SBF1: variants seen among roughly 807,000 people sequenced by gnomAD.
The protein encoded by SBF1 is myotubularin-related protein 5.
SBF1 carries 65 observed loss-of-function variants against 215.8 expected under a neutral mutation model. The ratio of observed to expected loss-of-function variants is 0.30; its 90% CI spans 0.25 to 0.37. The LOEUF is 0.37. SBF1 is among the 10% of genes least tolerant of loss of function. The pLI, the probability that SBF1 is intolerant of heterozygous loss-of-function variation, is 1.00. For synonymous variants in SBF1, 1,410 were observed against 1,122.8 expected (o/e 1.26, Z -5.11); for missense variants, 2,634 against 2,667.8 (o/e 0.99, Z 0.28).
In SBF1 at chr22:50,448,258, A is replaced by G; in HGVS notation, c.5338T>C (p.Phe1780Leu). Reference protein sequence around the residue: ...RRSTSTLYSQFQTAESENRSY... With the variant: ...RRSTSTLYSQLQTAESENRSY... ...CTGTTCTCACTCTCTGCTGTCTGGA[A>G]CTGGCTGTACAGGGTGCTGGTGCTG... Residue 1780 changes from phenylalanine to leucine, a missense_variant, in exon 38 of 41, where the codon TTC becomes CTC. By Grantham distance (22) the Phe-to-Leu change is conservative (BLOSUM62 0). Coordinates refer to ENST00000380817, the MANE Select transcript of SBF1 (RefSeq NM_002972.4). 1 of 1,612,724 alleles carries G rather than the reference A, an allele frequency of 6.2e-7. No homozygotes were observed. Among genetic ancestry groups the G allele is most frequent in the Non-Finnish European group, 8.5e-7 (1 of 1,179,934 alleles).
intron 28 of SBF1, 30 bp from the exon 29 acceptor site, chr22:50,457,141 C>T: frequency 6.9e-7 from 1 of 1,446,594 alleles, no homozygotes; most frequent in Non-Finnish European, 9.1e-7. Flanking sequence ...AAGGCTCAGG[C>T]CTAGCCCCAG....
chr22:50,474,757 G>A (rs745671162), intron 1 of SBF1, 29 bp downstream of exon 1: 54 of 1,455,512 alleles, frequency 3.7e-5, no homozygotes, highest in Admixed American at 2.8e-4. Context: ...CTCGGCCCCC[G>A]GCCCTCAGCG....
Position 50,468,471 on chromosome 22 carries a change from A to T in SBF1, c.56-10T>A. 1.3e-6 allele frequency: 2 copies of T among 1,587,490 alleles called. No individual in the cohort carries two copies. Among genetic ancestry groups the T allele is most frequent in the Non-Finnish European group, 8.6e-7 (1 of 1,164,776 alleles). On this transcript the variant is annotated splice_polypyrimidine_tract_variant and intron_variant, in intron 1 of 40. Coordinates refer to ENST00000380817, the MANE Select transcript of SBF1 (RefSeq NM_002972.4). Reference sequence around the variant, plus strand: ...TGGCCTTCCCCACTCCCTGAGGACAAGAACAGGGGGTCAGAGCACCCAACC... The same window carrying T: ...TGGCCTTCCCCACTCCCTGAGGACATGAACAGGGGGTCAGAGCACCCAACC...
In SBF1 at chr22:50,448,457, G is replaced by T. The variant is rs1285966014; in HGVS notation, c.5152-13C>A. ...AGCTAGGGGTGCCCTGGGAACAGGA[G>T]GTTGGGACTTGGGTCAGGGCTGGAC... On this transcript the variant is annotated splice_polypyrimidine_tract_variant and intron_variant, in intron 37 of 40. Coordinates refer to ENST00000380817, the MANE Select transcript of SBF1 (RefSeq NM_002972.4). The T allele has an allele frequency of 6.2e-7, 1 of 1,613,110 alleles. No homozygotes were observed. The highest frequency in any genetic ancestry group is 1.7e-5 in the Admixed American group (1 of 60,016).
At position 50,467,426 on chromosome 22, in the gene SBF1, G is replaced by A; in HGVS notation, c.461C>T (p.Ala154Val). 2 of 1,614,186 alleles carry A rather than the reference G, an allele frequency of 1.2e-6. No homozygotes were observed. Among genetic ancestry groups the A allele is most frequent in the Non-Finnish European group, 8.5e-7 (1 of 1,180,020 alleles). Residue 154 changes from alanine to valine, a missense_variant, in exon 5 of 41, where the codon GCC becomes GTC. By Grantham distance (64) the Ala-to-Val change is moderately conservative. Coordinates refer to ENST00000380817, the MANE Select transcript of SBF1 (RefSeq NM_002972.4). ...CACATTCAGGCCCTCCACGTGGATG[G>A]CATAGATGAGGCCAAGGCTGTTCTG... Reference protein sequence around the residue: ...VFRNSLGLIYAIHVEGLNVCL... With the variant: ...VFRNSLGLIYVIHVEGLNVCL...
chr22:50,462,148 G>A (rs1419417459), intron 19 of SBF1, 29 bp from the exon 20 acceptor site: 3 of 1,609,876 alleles, frequency 1.9e-6, no homozygotes, highest in Admixed American at 1.7e-5. Context: ...TGTGGGCATG[G>A]GCCCTGCCCA....
In SBF1 at chr22:50,467,661, C is replaced by G; in HGVS notation, c.309G>C (p.Glu103Asp). ...CTCCCTCATCCCCCTCTTCCTCCCT[C>G]TCTGTGGCATCCTCCACGCGCGTCG... ...QETTRVEDATEREEEGDEGGQ... is the reference protein window; with the variant it reads ...QETTRVEDATDREEEGDEGGQ... Residue 103 changes from glutamate to aspartate, a missense_variant, in exon 4 of 41, where the codon GAG becomes GAC. Coordinates refer to ENST00000380817, the MANE Select transcript of SBF1 (RefSeq NM_002972.4). The G allele has an allele frequency of 6.2e-7, 1 of 1,613,668 alleles. No homozygotes were observed. Among genetic ancestry groups the G allele is most frequent in the Non-Finnish European group, 8.5e-7 (1 of 1,179,850 alleles).
Position 50,467,702 on chromosome 22 carries a change from CAG to C in SBF1, c.280-14_280-13del, listed in dbSNP as rs777749588. 11 of 1,558,122 alleles carry C rather than the reference CAG, an allele frequency of 7.1e-6. No individual in the cohort carries two copies. Among genetic ancestry groups the C allele is most frequent in the Non-Finnish European group, 9.6e-6 (11 of 1,144,368 alleles). On this transcript the variant is annotated splice_polypyrimidine_tract_variant and intron_variant, in intron 3 of 40. Coordinates refer to ENST00000380817, the MANE Select transcript of SBF1 (RefSeq NM_002972.4). ...ACGCGCGTCGTTTCCTGCTGGGGGTCAGGGGGAGACGGGGGCAGGGGGAGTTG... is the reference window on the plus strand; with the variant it reads ...ACGCGCGTCGTTTCCTGCTGGGGGTCGGGGAGACGGGGGCAGGGGGAGTTG...
rs564648688 is a variant in SBF1 at position 50,458,406 on chromosome 22, G to A, written c.3826+849C>T. 1.6e-3 allele frequency among the ~76,000 whole-genome samples: 247 copies of A among 152,060 alleles called. 1 individual carries two copies. The highest frequency in any genetic ancestry group is 6.8e-3 in the Middle Eastern group (2 of 294). The stretch of plus-strand genomic sequence containing the variant: ...CATTGCTGGGCACTGAGGGGGACAC[G>A]GGGAGGCAGCAGCCACTGGCACTGG... On this transcript the variant is annotated intron_variant, in intron 28 of 40. Coordinates refer to ENST00000380817, the MANE Select transcript of SBF1 (RefSeq NM_002972.4).
rs2067240375 is a variant in SBF1 at position 50,456,216 on chromosome 22, C to G, written c.4266G>C (p.Gln1422His). ...RSLEDSEWLI[Q>H]IHKLLQVSVL... ...CAGAGGGACGGGGCAGTGCAGAGACCTGGATCAGCCACTCTGAGTCCTCCA... is the reference window on the plus strand; with the variant it reads ...CAGAGGGACGGGGCAGTGCAGAGACGTGGATCAGCCACTCTGAGTCCTCCA... Residue 1422 changes from glutamine (Q) to histidine (H), a missense_variant and splice_region_variant, in exon 31 of 41, where the codon CAG (glutamine) becomes CAC (histidine). Transcript: ENST00000380817. 1 of 1,611,234 alleles carries G rather than the reference C, an allele frequency of 6.2e-7. No individual in the cohort carries two copies. Among genetic ancestry groups the G allele is most frequent in the African/African-American group, 1.3e-5 (1 of 74,874 alleles).
Position 50,454,684 on chromosome 22 carries a change from T to A in SBF1, c.4871A>T (p.Glu1624Val). The change falls in exon 36 of 41, where the codon GAG (glutamate) becomes GTG (valine). Residue 1624 changes from glutamate to valine, a missense_variant. Transcript: ENST00000380817. ...NLKVWDFYTE[E>V]TLAEGPPYDW... ...ATAGGGAGGGCCCTCGGCCAGCGTC[T>A]CCTCAGTGTAGAAGTCCCACACCTT... 1.9e-6 allele frequency: 3 copies of A among 1,572,530 alleles called. No homozygotes were observed. Among genetic ancestry groups the A allele is most frequent in the Non-Finnish European group, 2.6e-6 (3 of 1,160,374 alleles).
chr22:50,456,677 T>C lies in SBF1; in HGVS notation c.3905-4A>G. 1 of 1,466,096 alleles carries C rather than the reference T, an allele frequency of 6.8e-7. No homozygotes were observed. The highest frequency in any genetic ancestry group is 9.0e-7 in the Non-Finnish European group (1 of 1,106,862). 90.8% of individuals were successfully genotyped at this position (1,466,096 alleles called of 1,614,324 possible). A position where few individuals can be genotyped will look rare whatever the true frequency, so the allele number is the denominator to read the frequency against. ...GTCCGGACACTGCCCCACTTACCTG[T>C]GAAGGAGATGCCAGGTAAGCACCCA... is the stretch of plus-strand genomic sequence containing the variant. On this transcript the variant is annotated splice_polypyrimidine_tract_variant and splice_region_variant and intron_variant, in intron 29 of 40. Transcript: ENST00000380817.
chr22:50,467,514 C>G lies in SBF1; in HGVS notation c.438+18G>C. The G allele has an allele frequency of 6.2e-7, 1 of 1,613,866 alleles. No homozygotes were observed. The highest frequency in any genetic ancestry group is 8.5e-7 in the Non-Finnish European group (1 of 1,179,846). Reference sequence around the variant, plus strand: ...AAGCACCCTCGTCGTGCCTCGCCGCCCCGGCTGCCGGCCTCACCCTGAACA... The same window carrying G: ...AAGCACCCTCGTCGTGCCTCGCCGCGCCGGCTGCCGGCCTCACCCTGAACA... On this transcript the variant is annotated intron_variant, in intron 4 of 40. Coordinates refer to ENST00000380817, the MANE Select transcript of SBF1 (RefSeq NM_002972.4).
intron 15 of SBF1, among the ~76,000 whole-genome samples, chr22:50,463,645 G>C (rs1193236646): frequency 6.6e-6 from 1 of 152,252 alleles, no homozygotes; most frequent in Non-Finnish European, 1.5e-5. Flanking sequence ...CAAGGACGCA[G>C]ATGCTGCACC....
Position 50,447,627 on chromosome 22 carries a change from C to T in SBF1, c.5364-18G>A. 2 of 1,582,274 alleles carry T rather than the reference C, an allele frequency of 1.3e-6. No individual in the cohort carries two copies. The highest frequency in any genetic ancestry group is 2.2e-5 in the South Asian group (2 of 89,164). ...CGTAGGACCTGCATTTCCAGCAGAA[C>T]CAGGGCCAGGCTGACCGTCATGGCC... is the stretch of plus-strand genomic sequence containing the variant. On this transcript the variant is annotated intron_variant, in intron 38 of 40. Coordinates refer to ENST00000380817, the MANE Select transcript of SBF1 (RefSeq NM_002972.4).
chr22:50,453,763 G>A (rs570727708), intron 36 of SBF1, among the ~76,000 whole-genome samples: 271 of 152,186 alleles, frequency 1.8e-3, no homozygotes, highest in Middle Eastern at 3.4e-3. Context: ...CTCCAGCCTG[G>A]GCGACAGAGC....
In SBF1 at chr22:50,459,685, G is replaced by A. The variant is rs140467558; in HGVS notation, c.3492-19C>T. ...TGGGTAGCTGAGAGGAGGCAGAGGC[G>A]TGAAGGTGGCTGGCGACCCCACCCG... On this transcript the variant is annotated intron_variant, in intron 26 of 40. Transcript: ENST00000380817. 857 of 1,585,598 alleles carry A rather than the reference G, an allele frequency of 5.4e-4. 12 individuals are homozygous for A. The East Asian group carries it at 0.017, about 32-fold the overall frequency.
intron 1 of SBF1, among the ~76,000 whole-genome samples, chr22:50,473,537 A>G (rs1418471320): frequency 6.6e-6 from 1 of 152,238 alleles, no homozygotes; most frequent in African/African-American, 2.4e-5. Flanking sequence ...TTGGATAGAC[A>G]TGAGCAGAGA....
In SBF1 at chr22:50,446,999, C is replaced by T. The variant is rs557895138; in HGVS notation, c.*143G>A. 40 of 771,676 alleles carry T rather than the reference C, an allele frequency of 5.2e-5. No homozygotes were observed. The highest frequency in any genetic ancestry group is 2.5e-4 in the Admixed American group (12 of 47,884). 47.8% of individuals were successfully genotyped at this position (771,676 alleles called of 1,614,324 possible). A position where few individuals can be genotyped will look rare whatever the true frequency, so the allele number is the denominator to read the frequency against. On this transcript the variant is annotated 3_prime_UTR_variant, in exon 41 of 41. Coordinates refer to ENST00000380817, the MANE Select transcript of SBF1 (RefSeq NM_002972.4). The stretch of plus-strand genomic sequence containing the variant: ...CCGGCCGGGCGGGGCGGGGCGGGGA[C>T]GGGGGCTGTACACACAAGTGCTGGG...
Sources: allele counts gnomAD v4.1 joint callset (sites outside exome capture counted in the v4.1 genomes callset), GRCh38; gene constraint gnomAD v4.1.1; transcripts MANE v1.5; gene names NCBI Gene and HGNC (gene_info 2026-07-23, HGNC 2026-07-21).